The following DSCAM variants were observed in gnomAD, a reference collection of about 807,000 sequenced individuals.
DSCAM encodes DS cell adhesion molecule.
Under a neutral mutation model 217.7 loss-of-function variants are expected in DSCAM, and 47 were observed. The ratio of observed to expected loss-of-function variants is 0.22; its 90% CI spans 0.17 to 0.28. DSCAM has a LOEUF of 0.28. DSCAM is among the 10% of genes least tolerant of loss of function. DSCAM has a pLI of 1.00. For synonymous variants in DSCAM, 1,056 were observed against 1,015.3 expected, an observed-to-expected ratio of 1.04 and a Z score of -0.76; for missense variants, 2,080 against 2,618.3, an observed-to-expected ratio of 0.79 and a Z score of 4.49.
chr21:40,703,316 G>C (rs1037775634), intron 2 of DSCAM, among the ~76,000 whole-genome samples: 1 of 152,028 alleles, frequency 6.6e-6, no homozygotes, highest in Admixed American at 6.6e-5. Context: ...AGGAGTTAGC[G>C]ACCATCCTGG....
At chr21:40,233,479 A>T (rs748328921) in intron 11 of DSCAM, among the ~76,000 whole-genome samples, 1 of 152,162 alleles carries the variant, frequency 6.6e-6, no homozygotes, top group African/African-American at 2.4e-5. Flanking sequence ...CCATGCTTCA[A>T]TATGTTCTTA....
chr21:40,417,031 A>C (rs984688095), intron 3 of DSCAM, among the ~76,000 whole-genome samples: 1 of 152,104 alleles, frequency 6.6e-6, no homozygotes, highest in African/African-American at 2.4e-5. Context: ...CATTGGTCTG[A>C]TTTGGTTGAG....
intron 22 of DSCAM, among the ~76,000 whole-genome samples, chr21:40,086,453 T>G (rs2089532941): frequency 6.6e-6 from 1 of 152,168 alleles, no homozygotes; most frequent in Non-Finnish European, 1.5e-5. Flanking sequence ...TACAGTTTGG[T>G]CACTACACCA....
chr21:40,828,716 C>T (rs1171011175), intron 1 of DSCAM, among the ~76,000 whole-genome samples: 2 of 147,270 alleles, frequency 1.4e-5, no homozygotes, highest in East Asian at 4.2e-4. Context: ...GGTGCAGTGG[C>T]ACAATCTCAG....
intron 1 of DSCAM, among the ~76,000 whole-genome samples, chr21:40,843,368 A>ATGTG (rs36229663): frequency 0.028 from 4,121 of 146,096 alleles, 74 homozygotes; most frequent in Admixed American, 0.043. Flanking sequence ...GAATGCATGC[A>ATGTG]TGTGTGTGTG....
At position 40,138,041 on chromosome 21, in the gene DSCAM, C is replaced by A. The variant is rs141999748; in HGVS notation, c.3407-4032G>T. On this transcript the variant is annotated intron_variant, in intron 18 of 32. Transcript: ENST00000400454. ...CAGGCCTTAACCATGATTTAACTTT[C>A]TGACCATGAAAAAAAAATCAGAAAA... Among the ~76,000 whole-genome samples the A allele has an allele frequency of 2.8e-3, 423 of 152,218 alleles. 1 individual carries two copies. Among genetic ancestry groups the A allele is most frequent in the Middle Eastern group, 0.021 (6 of 292 alleles).
chr21:40,201,609 T>G (rs1434600099), intron 11 of DSCAM, among the ~76,000 whole-genome samples: 1 of 152,060 alleles, frequency 6.6e-6, no homozygotes, highest in East Asian at 1.9e-4. Flanking sequence ...GCCTGGCTGA[T>G]TTTGTATTTT....
intron 3 of DSCAM, among the ~76,000 whole-genome samples, chr21:40,681,389 G>A (rs1036990350): frequency 3.9e-5 from 6 of 152,304 alleles, no homozygotes; most frequent in South Asian, 4.1e-4. Context: ...TGCTGGCGCC[G>A]CCGGGGACAG....
chr21:40,475,843 T>TAAATAAATA (rs544869000), intron 3 of DSCAM, among the ~76,000 whole-genome samples: 21 of 151,780 alleles, frequency 1.4e-4, no homozygotes, highest in South Asian at 6.3e-4. Context: ...ATAAATAAAT[T>TAAATAAATA]AATAAATAAA....
At chr21:40,817,878 T>G (rs542645244) in intron 1 of DSCAM, among the ~76,000 whole-genome samples, 1 of 139,680 alleles carries the variant, frequency 7.2e-6, no homozygotes, top group South Asian at 2.4e-4. Context: ...GGGTGGATCA[T>G]GAGGTCAGGA....
chr21:40,527,130 G>A (rs1425212139), intron 3 of DSCAM, among the ~76,000 whole-genome samples: 1 of 152,004 alleles, frequency 6.6e-6, no homozygotes, highest in Non-Finnish European at 1.5e-5. Flanking sequence ...TCCTGATAGT[G>A]TCCCTATATG....
rs1433770453 is a variant in DSCAM at position 40,027,106 on chromosome 21, T to C, written c.5687-13720A>G. Among the ~76,000 whole-genome samples the C allele has an allele frequency of 3.3e-5, 5 of 152,400 alleles. No individual in the cohort carries two copies. In the East Asian group the frequency reaches 9.6e-4, roughly 29 times the overall value. ...AAATCTCTCAGCATTTGCTTGTCTG[T>C]AAAGTATTTTATTTCTCCTTCACTT... On this transcript the variant is annotated intron_variant, in intron 32 of 32. Transcript: ENST00000400454.
intron 25 of DSCAM, among the ~76,000 whole-genome samples, chr21:40,079,501 C>A (rs2089421296): frequency 6.6e-6 from 1 of 152,106 alleles, no homozygotes; most frequent in East Asian, 1.9e-4. Flanking sequence ...ACAAATAATA[C>A]CCTTGCTATC....
chr21:40,695,479 T>C (rs2090585528), intron 2 of DSCAM, among the ~76,000 whole-genome samples: 1 of 152,214 alleles, frequency 6.6e-6, no homozygotes, highest in Admixed American at 6.5e-5. Flanking sequence ...GTGTGACTTT[T>C]GCTTCTCCAA....
At chr21:40,471,091 T>G (rs895712028) in intron 3 of DSCAM, among the ~76,000 whole-genome samples, 7 of 152,166 alleles carry the variant, frequency 4.6e-5, no homozygotes, top group African/African-American at 1.7e-4. Context: ...GATAAAAACA[T>G]AAGTGGTAAA....
At chr21:40,301,511 C>A (rs1280594962) in intron 9 of DSCAM, among the ~76,000 whole-genome samples, 1 of 152,308 alleles carries the variant, frequency 6.6e-6, no homozygotes, top group East Asian at 1.9e-4. Context: ...TGCATCTTAG[C>A]TTAGCACTCA....
chr21:40,783,610 C>T (rs1015230624), intron 1 of DSCAM, among the ~76,000 whole-genome samples: 3 of 152,128 alleles, frequency 2.0e-5, no homozygotes, highest in Admixed American at 6.5e-5. Flanking sequence ...TGTGGAGTCA[C>T]GTGACACATA....
At chr21:40,598,191 G>C (rs1212312580) in intron 3 of DSCAM, among the ~76,000 whole-genome samples, 1 of 152,114 alleles carries the variant, frequency 6.6e-6, no homozygotes, top group Admixed American at 6.5e-5. Flanking sequence ...CATATGGTTG[G>C]ATCCACATAC....
At chr21:40,677,621 A>G (rs1372325755) in intron 3 of DSCAM, among the ~76,000 whole-genome samples, 1 of 152,150 alleles carries the variant, frequency 6.6e-6, no homozygotes, top group Non-Finnish European at 1.5e-5. Context: ...CTGAAGATCT[A>G]TTTCCCTGCC....
Sources: allele counts gnomAD v4.1 joint callset (sites outside exome capture counted in the v4.1 genomes callset), GRCh38; gene constraint gnomAD v4.1.1; transcripts MANE v1.5; gene names NCBI Gene and HGNC (gene_info 2026-07-23, HGNC 2026-07-21).